The following CA10 variants were observed in gnomAD, a reference collection of about 807,000 sequenced individuals.
The protein encoded by CA10 is carbonic anhydrase-related protein 10.
A neutral mutation model predicts 44.2 loss-of-function variants in CA10; 14 were observed. The ratio of observed to expected loss-of-function variants is 0.32; its 90% CI spans 0.21 to 0.50. The LOEUF (loss-of-function observed/expected upper bound fraction) is 0.50. CA10 is among the 20% of genes least tolerant of loss of function. The probability of loss-of-function intolerance (pLI) is 0.99; values close to 1 mark genes in which losing one functional copy is unlikely to be tolerated. For missense variants in CA10, 350 were observed against 409.7 expected, an observed-to-expected ratio of 0.85 and a Z score of 1.26; for synonymous variants, 159 against 141.6, an observed-to-expected ratio of 1.12 and a Z score of -0.87.
At chr17:52,025,790 A>G (rs537395893) in intron 2 of CA10, among the ~76,000 whole-genome samples, 12 of 152,222 alleles carry the variant, frequency 7.9e-5, no homozygotes, top group African/African-American at 2.9e-4. Context: ...TTGTTGATAC[A>G]AATGGATTTG....
At chr17:51,893,027 T>A (rs2143913278) in intron 3 of CA10, among the ~76,000 whole-genome samples, 1 of 152,304 alleles carries the variant, frequency 6.6e-6, no homozygotes, top group Non-Finnish European at 1.5e-5. Context: ...ACTTGGTACC[T>A]ACTTTATGCT....
intron 3 of CA10, among the ~76,000 whole-genome samples, chr17:51,812,918 A>G (rs1907428042): frequency 6.6e-6 from 1 of 152,168 alleles, no homozygotes; most frequent in Non-Finnish European, 1.5e-5. Context: ...ATAGCTCCCC[A>G]TTTTCAACTA....
At chr17:51,860,554 C>T (rs1979257902) in intron 3 of CA10, among the ~76,000 whole-genome samples, 1 of 152,132 alleles carries the variant, frequency 6.6e-6, no homozygotes, top group Non-Finnish European at 1.5e-5. Flanking sequence ...GGCCCCTGTC[C>T]ACATTCACTT....
At chr17:51,836,522 C>T (rs114400335) in intron 3 of CA10, among the ~76,000 whole-genome samples, 6,752 of 152,286 alleles carry the variant, frequency 0.044, 186 homozygotes, top group South Asian at 0.063. Flanking sequence ...AGCACAGGCA[C>T]GGGGCACTTG....
At chr17:51,788,245 T>G (rs1906372075) in intron 3 of CA10, among the ~76,000 whole-genome samples, 1 of 152,230 alleles carries the variant, frequency 6.6e-6, no homozygotes, top group Non-Finnish European at 1.5e-5. Flanking sequence ...TTCCATGTAT[T>G]TGTTTAGTTT....
intron 2 of CA10, among the ~76,000 whole-genome samples, chr17:51,942,175 T>C (rs1983103931): frequency 6.6e-6 from 1 of 152,136 alleles, no homozygotes; most frequent in South Asian, 2.1e-4. Context: ...CCAGTCTGTC[T>C]TGAGGTTTAT....
intron 3 of CA10, among the ~76,000 whole-genome samples, chr17:51,860,944 G>A (rs1247707641): frequency 2.6e-5 from 4 of 152,096 alleles, no homozygotes; most frequent in African/African-American, 7.2e-5. Context: ...GCTGTATTGC[G>A]CTGACCTCCT....
intron 4 of CA10, among the ~76,000 whole-genome samples, chr17:51,696,353 G>T (rs187408483): frequency 1.3e-5 from 2 of 152,032 alleles, no homozygotes; most frequent in Admixed American, 6.5e-5. Context: ...ACTTAATATT[G>T]GTCTGTTCAG....
intron 3 of CA10, among the ~76,000 whole-genome samples, chr17:51,855,265 G>A (rs1042628499): frequency 4.6e-5 from 7 of 152,128 alleles, no homozygotes; most frequent in Non-Finnish European, 8.8e-5. Context: ...TCCACAATGA[G>A]CATTTGATAT....
chr17:51,811,005 G>T (rs909120386), intron 3 of CA10, among the ~76,000 whole-genome samples: 1 of 152,186 alleles, frequency 6.6e-6, no homozygotes, highest in Admixed American at 6.5e-5. Context: ...AGACCAGCCT[G>T]GCCAACATGG....
intron 2 of CA10, among the ~76,000 whole-genome samples, chr17:52,012,819 T>C (rs556673490): frequency 1.7e-5 from 2 of 116,148 alleles, no homozygotes; most frequent in South Asian, 7.7e-4. Flanking sequence ...TGGAAATGTG[T>C]TAATTATAAA....
chr17:51,636,954 A>C (rs1912861835), intron 6 of CA10, among the ~76,000 whole-genome samples: 1 of 152,190 alleles, frequency 6.6e-6, no homozygotes, highest in Admixed American at 6.5e-5. Flanking sequence ...ATATGGAAAA[A>C]AGAAAAAACA....
At chr17:52,144,631 G>A (rs989472191) in intron 1 of CA10, among the ~76,000 whole-genome samples, 1 of 152,138 alleles carries the variant, frequency 6.6e-6, no homozygotes, top group Non-Finnish European at 1.5e-5. Context: ...AAACATTCTA[G>A]TTTCCCCTAG....
chr17:51,679,733 C>T (rs28405227), intron 4 of CA10, among the ~76,000 whole-genome samples: 5 of 152,012 alleles, frequency 3.3e-5, no homozygotes, highest in Admixed American at 1.3e-4. Context: ...GCCTGTGTTC[C>T]TGGTCTGAGG....
chr17:51,878,902 G>GTGTGTGTA (rs1223964867), intron 3 of CA10, among the ~76,000 whole-genome samples: 1 of 114,930 alleles, frequency 8.7e-6, no homozygotes, highest in East Asian at 2.7e-4. Context: ...GGGTGTGTGT[G>GTGTGTGTA]TGTGTGTGTG....
intron 3 of CA10, among the ~76,000 whole-genome samples, chr17:51,802,964 G>A (rs1906992781): frequency 1.3e-5 from 2 of 152,270 alleles, no homozygotes; most frequent in Non-Finnish European, 1.5e-5. Flanking sequence ...GTAGCAGACA[G>A]CAAGACTCAT....
intron 4 of CA10, among the ~76,000 whole-genome samples, chr17:51,659,644 G>C (rs1001881702): frequency 2.0e-5 from 3 of 152,140 alleles, no homozygotes; most frequent in African/African-American, 7.2e-5. Flanking sequence ...TCACCACTTT[G>C]GATGATCATT....
chr17:52,120,170 G>C (rs765908397), intron 1 of CA10, among the ~76,000 whole-genome samples: 27 of 152,276 alleles, frequency 1.8e-4, no homozygotes, highest in Non-Finnish European at 2.8e-4. Context: ...GGATTTTTGA[G>C]CTGCCCTTAC....
chr17:51,820,408 C>CG (rs971214066), intron 3 of CA10, among the ~76,000 whole-genome samples: 3 of 68,660 alleles, frequency 4.4e-5, no homozygotes, highest in African/African-American at 1.3e-4. Flanking sequence ...TTCCCCTACC[C>CG]CCCCCCCCCC....
Sources: allele counts gnomAD v4.1 joint callset (sites outside exome capture counted in the v4.1 genomes callset), GRCh38; gene constraint gnomAD v4.1.1; transcripts MANE v1.5; gene names NCBI Gene and HGNC (gene_info 2026-07-23, HGNC 2026-07-21).